The following EPS8 variants were observed in gnomAD, a reference collection of about 807,000 sequenced individuals.
EPS8 encodes EGFR pathway substrate 8, signaling adaptor, also known as epidermal growth factor receptor kinase substrate 8.
A neutral mutation model predicts 103.8 loss-of-function variants in EPS8; 42 were observed. The observed-to-expected ratio is 0.40, with a 90% confidence interval of 0.32 to 0.52. EPS8 has a LOEUF of 0.52. Among genes scored for constraint, EPS8 ranks in the 20% least tolerant of loss-of-function variants. The probability of loss-of-function intolerance (pLI) is 0.40; values close to 1 mark genes in which losing one functional copy is unlikely to be tolerated. For missense variants in EPS8, 969 were observed against 1,005.1 expected (o/e 0.96, Z 0.49); for synonymous variants, 344 against 344.6 (o/e 1.00, Z 0.02).
At position 15,748,977 on chromosome 12, in the gene EPS8, T is replaced by G. The variant is rs1400052195; in HGVS notation, c.-22+40184A>C. 6.6e-6 allele frequency among the ~76,000 whole-genome samples: 1 copy of G among 152,196 alleles called. No homozygotes were observed. Among genetic ancestry groups the G allele is most frequent in the Non-Finnish European group, 1.5e-5 (1 of 68,024 alleles). ...TTATGTACTTGTCAAATGTTAATGT[T>G]AAACTCCAGCAAAAGCAAATACTGA... On this transcript the variant is annotated intron_variant, in intron 1 of 20. Transcript: ENST00000281172. This position sits in a 1 kb window ranked among gnomAD's most constrained non-coding sequence, Gnocchi z 4.8.
chr12:15,637,233 C>T (rs944039385), intron 17 of EPS8, among the ~76,000 whole-genome samples: 4 of 152,238 alleles, frequency 2.6e-5, no homozygotes, highest in Non-Finnish European at 4.4e-5. Context: ...GTTGGCCAGG[C>T]TGGTCTCAAA....
rs778009016 is a variant in EPS8 at position 15,693,353 on chromosome 12, C to T, written c.-21-10381G>A. On this transcript the variant is annotated intron_variant, in intron 1 of 20. Transcript: ENST00000281172. This position sits in a 1 kb window ranked among gnomAD's most constrained non-coding sequence, Gnocchi z 5.6. ...CTGTCTGTACCTTGGTATCCCCAAC[C>T]GAGTTCTCTAGTTCACATTCTCCAC... Among the ~76,000 whole-genome samples, 17 of 152,194 alleles carry T rather than the reference C, an allele frequency of 1.1e-4. No individual in the cohort carries two copies. The highest frequency in any genetic ancestry group is 3.1e-4 in the African/African-American group (13 of 41,442).
At chr12:15,741,182 T>C (rs989633208) in intron 1 of EPS8, among the ~76,000 whole-genome samples, 1 of 152,254 alleles carries the variant, frequency 6.6e-6, no homozygotes, top group Non-Finnish European at 1.5e-5. Context: ...TAATTATCTT[T>C]AAATTCTTAA....
Position 15,761,506 on chromosome 12 carries a change from G to A in EPS8, c.-22+27655C>T, listed in dbSNP as rs1947040724. ...ATCCTAATCAAAAAGAACAAAACTG[G>A]AAGAATCACATTACCTGATTTCAAA... On this transcript the variant is annotated intron_variant, in intron 1 of 20. Transcript: ENST00000281172. This position sits in a 1 kb window ranked among gnomAD's most constrained non-coding sequence, Gnocchi z 4.5. Among the ~76,000 whole-genome samples, 1 of 151,964 alleles carries A rather than the reference G, an allele frequency of 6.6e-6. No homozygotes were observed. Among genetic ancestry groups the A allele is most frequent in the Non-Finnish European group, 1.5e-5 (1 of 67,974 alleles).
At position 15,769,309 on chromosome 12, in the gene EPS8, G is replaced by A. The variant is rs1315342581; in HGVS notation, c.-22+19852C>T. Reference sequence around the variant, plus strand: ...ATTCTTTCATTATTAACATAAAATTGTAACTCTACTTTTGCCAATTTTATC... The same window carrying A: ...ATTCTTTCATTATTAACATAAAATTATAACTCTACTTTTGCCAATTTTATC... On this transcript the variant is annotated intron_variant, in intron 1 of 20. Transcript: ENST00000281172. The surrounding 1 kb of genome is among the most constrained non-coding windows in gnomAD (Gnocchi z 4.6). Among the ~76,000 whole-genome samples, 6 of 152,194 alleles carry A rather than the reference G, an allele frequency of 3.9e-5. No homozygotes were observed. The highest frequency in any genetic ancestry group is 2.0e-4 in the Admixed American group (3 of 15,280).
chr12:15,696,711 T>C lies in EPS8; in HGVS notation c.-21-13739A>G, dbSNP rs1946248173. 6.6e-6 allele frequency among the ~76,000 whole-genome samples: 1 copy of C among 152,080 alleles called. No individual in the cohort carries two copies. Among genetic ancestry groups the C allele is most frequent in the African/African-American group, 2.4e-5 (1 of 41,406 alleles). On this transcript the variant is annotated intron_variant, in intron 1 of 20. Coordinates refer to ENST00000281172, the MANE Select transcript of EPS8 (RefSeq NM_004447.6). This position sits in a 1 kb window ranked among gnomAD's most constrained non-coding sequence, Gnocchi z 4.8. ...AAAAACACCTGAACTACTATTCCACTTGGGAAGAAATGGGACTTTTTTTAC... is the reference window on the plus strand; with the variant it reads ...AAAAACACCTGAACTACTATTCCACCTGGGAAGAAATGGGACTTTTTTTAC...
At position 15,690,170 on chromosome 12, in the gene EPS8, G is replaced by GAGGATC. The variant is rs1378339320; in HGVS notation, c.-21-7204_-21-7199dup. On this transcript the variant is annotated intron_variant, in intron 1 of 20. Coordinates refer to ENST00000281172, the MANE Select transcript of EPS8 (RefSeq NM_004447.6). This position sits in a 1 kb window ranked among gnomAD's most constrained non-coding sequence, Gnocchi z 4.7. ...ACTGCATTTCCGTATAGCTCCTTAA[G>GAGGATC]AGGATCAATCTTTTCTAAAGTGTAC... Among the ~76,000 whole-genome samples, 1 of 152,154 alleles carries GAGGATC rather than the reference G, an allele frequency of 6.6e-6. No homozygotes were observed. Among genetic ancestry groups the GAGGATC allele is most frequent in the African/African-American group, 2.4e-5 (1 of 41,442 alleles).
At chr12:15,675,325 G>A (rs185703175) in intron 3 of EPS8, among the ~76,000 whole-genome samples, 1 of 152,328 alleles carries the variant, frequency 6.6e-6, no homozygotes, top group Non-Finnish European at 1.5e-5. Flanking sequence ...TTAAGGCCAG[G>A]CATGGTGGCT....
At position 15,658,233 on chromosome 12, in the gene EPS8, G is replaced by A. The variant is rs552935676; in HGVS notation, c.1027-80C>T. On this transcript the variant is annotated intron_variant, in intron 11 of 20. Coordinates refer to ENST00000281172, the MANE Select transcript of EPS8 (RefSeq NM_004447.6). The stretch of plus-strand genomic sequence containing the variant: ...GAAAGGTCCAACATAGACACAGAGG[G>A]GACGGTCTTTACCACCAGATTCAGT... The A allele has an allele frequency of 1.3e-4, 115 of 917,812 alleles. 1 individual carries two copies. In the East Asian group the frequency reaches 2.8e-3, roughly 22 times the overall value. The allele number at this position is 917,812 out of a possible 1,614,324, so 56.9% of individuals were successfully genotyped here.
At chr12:15,786,729 C>G (rs1003800207) in intron 1 of EPS8, among the ~76,000 whole-genome samples, 2 of 152,096 alleles carry the variant, frequency 1.3e-5, no homozygotes, top group East Asian at 1.9e-4. Context: ...TAGTGAAGCA[C>G]TGAAGACCCT....
rs1200634637 is a variant in EPS8 at position 15,662,040 on chromosome 12, T to C, written c.796A>G (p.Ile266Val). 6.2e-7 allele frequency: 1 copy of C among 1,613,824 alleles called. No individual in the cohort carries two copies. The change falls in exon 9 of 21, where the codon ATT becomes GTT. Residue 266 changes from isoleucine to valine, a missense_variant. By Grantham distance (29) the Ile-to-Val change is conservative. Coordinates refer to ENST00000281172, the MANE Select transcript of EPS8 (RefSeq NM_004447.6). ...CCTGTACTTACCACATCTCTGTCAA[T>C]GCGGGCTGCCATCATCTCAGGTGTT... ...EETPEMMAAR[I>V]DRDVQILNHI...
At chr12:15,625,657 T>C (rs1368833594) in intron 18 of EPS8, among the ~76,000 whole-genome samples, 2 of 152,206 alleles carry the variant, frequency 1.3e-5, no homozygotes, top group Admixed American at 6.5e-5. Flanking sequence ...GATTCCTCCT[T>C]GAAACATTTT....
chr12:15,733,508 A>C lies in EPS8; in HGVS notation c.-21-50536T>G, dbSNP rs1389988332. ...ATCCATATCATATTGTTCATTAAAT[A>C]GTATCTTGGCACCTTTAAAAAGCCT... is the stretch of plus-strand genomic sequence containing the variant. On this transcript the variant is annotated intron_variant, in intron 1 of 20. Coordinates refer to ENST00000281172, the MANE Select transcript of EPS8 (RefSeq NM_004447.6). The surrounding 1 kb of genome is among the most constrained non-coding windows in gnomAD (Gnocchi z 4.8). Among the ~76,000 whole-genome samples the C allele has an allele frequency of 6.6e-6, 1 of 152,228 alleles. No homozygotes were observed. Among genetic ancestry groups the C allele is most frequent in the African/African-American group, 2.4e-5 (1 of 41,454 alleles).
chr12:15,751,918 G>A lies in EPS8; in HGVS notation c.-22+37243C>T, dbSNP rs1157862987. ...TGTGTGTAGGCATGGGCGTGGGGGAGGTGGAGAGCCAGAAAAGTGTAGAAA... is the reference window on the plus strand; with the variant it reads ...TGTGTGTAGGCATGGGCGTGGGGGAAGTGGAGAGCCAGAAAAGTGTAGAAA... On this transcript the variant is annotated intron_variant, in intron 1 of 20. Coordinates refer to ENST00000281172, the MANE Select transcript of EPS8 (RefSeq NM_004447.6). The surrounding 1 kb of genome is among the most constrained non-coding windows in gnomAD (Gnocchi z 4.3). Among the ~76,000 whole-genome samples the A allele has an allele frequency of 1.3e-5, 2 of 152,068 alleles. No homozygotes were observed. Among genetic ancestry groups the A allele is most frequent in the Non-Finnish European group, 2.9e-5 (2 of 68,036 alleles).
In EPS8 at chr12:15,764,132, T is replaced by C. The variant is rs996005407; in HGVS notation, c.-22+25029A>G. Reference sequence around the variant, plus strand: ...GTCCAAAGGTGAAGGAGGAGCAAAGTAACATCTTACATGGTAGCAGGCAAG... The same window carrying C: ...GTCCAAAGGTGAAGGAGGAGCAAAGCAACATCTTACATGGTAGCAGGCAAG... On this transcript the variant is annotated intron_variant, in intron 1 of 20. Transcript: ENST00000281172. The surrounding 1 kb of genome is among the most constrained non-coding windows in gnomAD (Gnocchi z 4.1). Among the ~76,000 whole-genome samples, 2 of 152,146 alleles carry C rather than the reference T, an allele frequency of 1.3e-5. No homozygotes were observed. Among genetic ancestry groups the C allele is most frequent in the Non-Finnish European group, 2.9e-5 (2 of 68,032 alleles).
intron 1 of EPS8, among the ~76,000 whole-genome samples, chr12:15,707,461 C>G (rs1336978986): frequency 6.6e-6 from 1 of 152,000 alleles, no homozygotes; most frequent in African/African-American, 2.4e-5. Flanking sequence ...AACTGAACAA[C>G]TACTCTCCTT....
chr12:15,703,343 T>C (rs1201537285), intron 1 of EPS8, among the ~76,000 whole-genome samples: 1 of 152,170 alleles, frequency 6.6e-6, no homozygotes, highest in Non-Finnish European at 1.5e-5. Flanking sequence ...GTAAATGTTA[T>C]TACTGTATGA....
At chr12:15,626,241 G>C (rs1032878955) in intron 18 of EPS8, among the ~76,000 whole-genome samples, 2 of 152,060 alleles carry the variant, frequency 1.3e-5, no homozygotes, top group Non-Finnish European at 2.9e-5. Context: ...AGCTTGGTCT[G>C]AGTTACCAGC....
chr12:15,621,572 G>T, intron 20 of EPS8, 142 bp from the exon 21 acceptor site: 1 of 575,338 alleles, frequency 1.7e-6, no homozygotes. Context: ...CTTTTTAAGT[G>T]AAGCTTCTGC....
Sources: gnomAD v4.1 joint callset for allele counts (sites outside exome capture counted in the v4.1 genomes callset) on GRCh38, gnomAD v4.1.1 for gene constraint, Gnocchi (gnomAD v3.1) non-coding constraint, MANE v1.5 for transcripts, NCBI Gene and HGNC (gene_info 2026-07-23, HGNC 2026-07-21) for gene names.